The following CCDC171 variants were observed in gnomAD, a reference collection of about 807,000 sequenced individuals.
The protein encoded by CCDC171 is coiled-coil domain-containing protein 171.
In CCDC171, 177 loss-of-function variants were observed where a neutral mutation model predicts 168.2. The ratio of observed to expected loss-of-function variants is 1.05; its 90% CI spans 0.93 to 1.19. The LOEUF (loss-of-function observed/expected upper bound fraction) is 1.19, where lower values mean the gene tolerates loss of function less well. CCDC171 is among the 50% of genes most tolerant of loss of function. CCDC171 has a pLI of 0.00. For missense variants in CCDC171, 1,991 were observed against 1,539.0 expected, an observed-to-expected ratio of 1.29 and a Z score of -4.91; for synonymous variants, 687 against 540.8, an observed-to-expected ratio of 1.27 and a Z score of -3.75.
intron 3 of CCDC171, among the ~76,000 whole-genome samples, chr9:15,576,632 A>C (rs114437206): frequency 0.017 from 2,560 of 152,272 alleles, 59 homozygotes; most frequent in African/African-American, 0.058. Context: ...GACCTTATGA[A>C]ATGATTGTAG....
At chr9:15,845,580 A>G (rs1430053699) in intron 21 of CCDC171, 1 of 152,028 alleles carries the variant, frequency 6.6e-6, no homozygotes, top group Non-Finnish European at 1.5e-5. Context: ...GCACTAAAAG[A>G]ATACTGTTAG....
At chr9:15,560,544 C>G (rs1586957850) in intron 1 of CCDC171, among the ~76,000 whole-genome samples, 2 of 152,128 alleles carry the variant, frequency 1.3e-5, no homozygotes, top group African/African-American at 4.8e-5. Flanking sequence ...GTGCATTCGT[C>G]ACATAGTTCT....
intron 25 of CCDC171, among the ~76,000 whole-genome samples, chr9:15,946,283 G>A (rs1012573197): frequency 6.6e-6 from 1 of 151,750 alleles, no homozygotes; most frequent in Admixed American, 6.6e-5. Context: ...GGTTACTGTA[G>A]CCAAAATCTC....
At chr9:15,678,679 G>A in intron 9 of CCDC171, 79 bp from the exon 10 acceptor site, 2 of 1,170,864 alleles carry the variant, frequency 1.7e-6, no homozygotes, top group Non-Finnish European at 2.4e-6. Context: ...TAGTACATCT[G>A]CCATATGTAT....
Position 15,920,262 on chromosome 9 carries a change from T to G in CCDC171, c.3601-8T>G. 6.5e-7 allele frequency: 1 copy of G among 1,540,594 alleles called. No homozygotes were observed. The highest frequency in any genetic ancestry group is 8.8e-7 in the Non-Finnish European group (1 of 1,135,450). ...GAATTATATGTGACATTATTTTTAT[T>G]TCTTAAGGCTATGATTAAAAGTTTC... On this transcript the variant is annotated splice_region_variant and splice_polypyrimidine_tract_variant and intron_variant, in intron 24 of 25. Coordinates refer to ENST00000380701, the MANE Select transcript of CCDC171 (RefSeq NM_173550.4).
At chr9:15,580,934 A>T (rs1270343978) in intron 4 of CCDC171, among the ~76,000 whole-genome samples, 1 of 152,198 alleles carries the variant, frequency 6.6e-6, no homozygotes, top group Non-Finnish European at 1.5e-5. Flanking sequence ...TGGCCAGGGC[A>T]ATCAGGCAAG....
At chr9:16,015,483 G>A (rs557935116) in intron 3 of CCDC171, among the ~76,000 whole-genome samples, 62 of 152,206 alleles carry the variant, frequency 4.1e-4, no homozygotes, top group Middle Eastern at 3.4e-3. Context: ...CTTGTCATGC[G>A]TCCAGTATCT....
At chr9:16,038,340 G>A (rs1833510530), upstream of CCDC171, among the ~76,000 whole-genome samples, 1 of 152,064 alleles carries the variant, frequency 6.6e-6, no homozygotes, top group Non-Finnish European at 1.5e-5. Context: ...ATTTAAACAA[G>A]CATTGTCTGT....
intron 3 of CCDC171, among the ~76,000 whole-genome samples, chr9:15,997,313 C>T (rs1307290682): frequency 2.0e-5 from 3 of 152,212 alleles, no homozygotes; most frequent in African/African-American, 7.2e-5. Flanking sequence ...TCTCGTACCC[C>T]TACCATGCTC....
At chr9:15,852,787 T>C (rs1376183096) in intron 23 of CCDC171, among the ~76,000 whole-genome samples, 1 of 151,632 alleles carries the variant, frequency 6.6e-6, no homozygotes, top group Non-Finnish European at 1.5e-5. Flanking sequence ...CTTCATTTTT[T>C]TTATATGGCA....
At chr9:15,610,478 A>AC in intron 6 of CCDC171, among the ~76,000 whole-genome samples, 1 of 143,508 alleles carries the variant, frequency 7.0e-6, no homozygotes, top group Non-Finnish European at 1.5e-5. Flanking sequence ...AAAAAAAAAA[A>AC]AAACTGGGCG....
chr9:15,905,512 C>T (rs966956404), intron 24 of CCDC171, among the ~76,000 whole-genome samples: 58 of 152,168 alleles, frequency 3.8e-4, no homozygotes, highest in African/African-American at 1.3e-3. Flanking sequence ...CTCTGGGACA[C>T]ATTCAAAGCA....
intron 25 of CCDC171, among the ~76,000 whole-genome samples, chr9:15,968,752 T>A (rs1831056472): frequency 6.6e-6 from 1 of 152,158 alleles, no homozygotes; most frequent in African/African-American, 2.4e-5. Flanking sequence ...TTGGCCAGGC[T>A]GGTCTCCAAT....
intron 21 of CCDC171, among the ~76,000 whole-genome samples, chr9:15,798,570 T>C (rs556542662): frequency 1.3e-5 from 2 of 152,146 alleles, no homozygotes; most frequent in Non-Finnish European, 2.9e-5. Context: ...CTTCTTTTTC[T>C]AGTTGTTAAG....
At chr9:15,650,367 GTGCA>G (rs1401646982) in intron 7 of CCDC171, among the ~76,000 whole-genome samples, 5 of 151,986 alleles carry the variant, frequency 3.3e-5, no homozygotes, top group Non-Finnish European at 5.9e-5. Context: ...CCTTCACGTT[GTGCA>G]TATGTACCCT....
intron 11 of CCDC171, among the ~76,000 whole-genome samples, chr9:15,703,831 C>T (rs897822563): frequency 6.6e-6 from 1 of 152,186 alleles, no homozygotes; most frequent in African/African-American, 2.4e-5. Context: ...AACCTCCATA[C>T]TAGAGCATAC....
At chr9:15,556,913 T>G (rs2132409832) in intron 1 of CCDC171, among the ~76,000 whole-genome samples, 1 of 152,304 alleles carries the variant, frequency 6.6e-6, no homozygotes, top group East Asian at 1.9e-4. Context: ...GACTTAATTT[T>G]TGTGTAAGGT....
intron 1 of CCDC171, among the ~76,000 whole-genome samples, chr9:16,049,308 T>G (rs576080250): frequency 6.6e-6 from 1 of 152,156 alleles, no homozygotes; most frequent in Non-Finnish European, 1.5e-5. Context: ...GGACTTAATT[T>G]TAGGTGTCAA....
chr9:15,761,164 G>GACAA, intron 18 of CCDC171, among the ~76,000 whole-genome samples: 1 of 152,302 alleles, frequency 6.6e-6, no homozygotes, highest in South Asian at 2.1e-4. Context: ...CACATTTCCT[G>GACAA]TGTAATTACG....
Sources: allele counts gnomAD v4.1 joint callset (sites outside exome capture counted in the v4.1 genomes callset), GRCh38; gene constraint gnomAD v4.1.1; transcripts MANE v1.5; gene names NCBI Gene and HGNC (gene_info 2026-07-23, HGNC 2026-07-21).